The following PITPNA variants were observed in gnomAD, a reference collection of about 807,000 sequenced individuals.
PITPNA encodes phosphatidylinositol transfer protein alpha, also known as phosphatidylinositol transfer protein alpha isoform.
PITPNA carries 13 observed loss-of-function variants against 50.3 expected under a neutral mutation model. The observed-to-expected ratio is 0.26, with a 90% CI of 0.17 to 0.41. PITPNA has a LOEUF of 0.41. Ranked by LOEUF, PITPNA falls within the 10% of genes least tolerant of loss-of-function variation. The pLI is 1.00. For missense variants in PITPNA, 207 were observed against 333.4 expected (o/e 0.62, Z 2.95); for synonymous variants, 120 against 119.6 (o/e 1.00, Z -0.02).
In PITPNA at chr17:1,536,539, T is replaced by C. The variant is rs530896129; in HGVS notation, c.457-1021A>G. 3.3e-5 allele frequency among the ~76,000 whole-genome samples: 5 copies of C among 152,004 alleles called. No individual in the cohort carries two copies. The South Asian group carries it at 1.0e-3, about 32-fold the overall frequency. On this transcript the variant is annotated intron_variant, in intron 7 of 11. Transcript: ENST00000313486. ...CTCCTGACCTCGTGATCCGCCCACC[T>C]TGGCCTCCCACAGTGCTGGGATTAC...
chr17:1,551,901 G>GAT (rs1166580751), intron 3 of PITPNA, among the ~76,000 whole-genome samples: 1 of 151,282 alleles, frequency 6.6e-6, no homozygotes, highest in Non-Finnish European at 1.5e-5. Flanking sequence ...GAGACTGGGT[G>GAT]ATGGTGAGAC....
intron 2 of PITPNA, among the ~76,000 whole-genome samples, chr17:1,555,744 G>C (rs1306595671): frequency 6.6e-6 from 1 of 152,210 alleles, no homozygotes; most frequent in Non-Finnish European, 1.5e-5. Flanking sequence ...GGGTACCAGA[G>C]GGGGACTGGT....
intron 3 of PITPNA, among the ~76,000 whole-genome samples, chr17:1,550,822 C>G (rs907770363): frequency 1.3e-5 from 2 of 152,206 alleles, no homozygotes; most frequent in African/African-American, 4.8e-5. Context: ...GCAGTTTTGG[C>G]GCTGGGAGTG....
At chr17:1,537,005 C>A (rs551250231) in intron 7 of PITPNA, among the ~76,000 whole-genome samples, 1 of 149,580 alleles carries the variant, frequency 6.7e-6, no homozygotes, top group Non-Finnish European at 1.5e-5. Context: ...TTCCAGTGAT[C>A]CTCCTGCCTC....
At chr17:1,554,189 G>C (rs1468402372) in intron 2 of PITPNA, among the ~76,000 whole-genome samples, 1 of 152,108 alleles carries the variant, frequency 6.6e-6, no homozygotes, top group Non-Finnish European at 1.5e-5. Flanking sequence ...ATTTGAGGCA[G>C]GAAATTATGT....
Position 1,520,304 on chromosome 17 carries a change from G to A in PITPNA, c.*257C>T, listed in dbSNP as rs1221950143. 6.6e-6 allele frequency: 1 copy of A among 152,522 alleles called. No homozygotes were observed. Among genetic ancestry groups the A allele is most frequent in the African/African-American group, 2.4e-5 (1 of 41,418 alleles). The allele number at this position is 152,522 out of a possible 1,614,324, so 9.4% of individuals were successfully genotyped here. A position where few individuals can be genotyped will look rare whatever the true frequency, so the allele number is the denominator to read the frequency against. ...CACAATGGAGAGAGACGGAGGCGCTGTAACTACAGCAACCTACACGCCACG... is the reference window on the plus strand; with the variant it reads ...CACAATGGAGAGAGACGGAGGCGCTATAACTACAGCAACCTACACGCCACG... On this transcript the variant is annotated 3_prime_UTR_variant, in exon 12 of 12. Coordinates refer to ENST00000313486, the MANE Select transcript of PITPNA (RefSeq NM_006224.4).
intron 2 of PITPNA, among the ~76,000 whole-genome samples, chr17:1,558,095 G>A (rs1231539538): frequency 6.6e-6 from 1 of 152,132 alleles, no homozygotes. Context: ...GCCGGGTGTG[G>A]TGGCACACAC....
chr17:1,561,151 C>A (rs80067737), intron 1 of PITPNA: 8,553 of 151,382 alleles, frequency 0.056, 291 homozygotes, highest in African/African-American at 0.094. Flanking sequence ...ACACACACAC[C>A]CATCCTATCT....
chr17:1,524,774 G>A (rs1040926779), intron 10 of PITPNA, among the ~76,000 whole-genome samples: 1 of 151,572 alleles, frequency 6.6e-6, no homozygotes, highest in South Asian at 2.1e-4. Context: ...GTTTGAACCC[G>A]GGAGGTGGAG....
At chr17:1,554,546 TTC>T (rs1164752354) in intron 2 of PITPNA, among the ~76,000 whole-genome samples, 1 of 152,004 alleles carries the variant, frequency 6.6e-6, no homozygotes, top group Non-Finnish European at 1.5e-5. Flanking sequence ...GACTGGGTTT[TTC>T]TCTCTTTGAG....
intron 10 of PITPNA, among the ~76,000 whole-genome samples, chr17:1,522,110 GCCGGA>G (rs1303836434): frequency 3.2e-4 from 48 of 148,678 alleles, no homozygotes; most frequent in Non-Finnish European, 4.1e-4. Context: ...TGCCGCCCAG[GCCGGA>G]CTGCGGACTG....
intron 7 of PITPNA, among the ~76,000 whole-genome samples, chr17:1,536,280 GT>G (rs11358582): frequency 0.081 from 11,589 of 143,580 alleles, 1,420 homozygotes; most frequent in African/African-American, 0.28. Context: ...AAGCTGAGAA[GT>G]TTTTTTTTTT....
chr17:1,530,770 G>GT (rs2075576900), intron 10 of PITPNA, among the ~76,000 whole-genome samples: 1 of 152,236 alleles, frequency 6.6e-6, no homozygotes, highest in Non-Finnish European at 1.5e-5. Context: ...GTAAGAGCCA[G>GT]TTAACAACCT....
chr17:1,530,107 G>A (rs2075572604), intron 10 of PITPNA, among the ~76,000 whole-genome samples: 1 of 151,960 alleles, frequency 6.6e-6, no homozygotes, highest in Non-Finnish European at 1.5e-5. Flanking sequence ...AGGCACACAG[G>A]AAGTCCTCAA....
intron 6 of PITPNA, among the ~76,000 whole-genome samples, 177 bp downstream of exon 6, chr17:1,541,375 GTTCCGGAGATCACA>G (rs2075647058): frequency 6.6e-6 from 1 of 152,098 alleles, no homozygotes; most frequent in Admixed American, 6.6e-5. Context: ...CCCATAAAAA[GTTCCGGAGATCACA>G]TTTTGCAAAT....
chr17:1,534,000 G>A (rs1210000412), intron 10 of PITPNA, 99 bp downstream of exon 10: 38 of 1,397,888 alleles, frequency 2.7e-5, no homozygotes, highest in Non-Finnish European at 3.7e-5. Flanking sequence ...CGTGTTCCCA[G>A]AACTACAGGA....
chr17:1,543,261 G>A (rs955204190), intron 4 of PITPNA, among the ~76,000 whole-genome samples: 6 of 152,126 alleles, frequency 3.9e-5, no homozygotes, highest in Non-Finnish European at 5.9e-5. Context: ...TAATTAAAGC[G>A]ACGCCGCTAT....
rs1200717260 is a variant in PITPNA at position 1,535,251 on chromosome 17, T to C, written c.576A>G (p.Ala192=). Reference sequence around the variant, plus strand: ...TGAACTTGACGGTCACCAGTTTGTATGCACACATATATGGGCAGTCCTTCT... The same window carrying C: ...TGAACTTGACGGTCACCAGTTTGTACGCACACATATATGGGCAGTCCTTCT... ...VNQKDCPYMC[A]YKLVTVKFKW... The change falls in exon 9 of 12, where the codon GCA becomes GCG. Residue 192 remains alanine, a synonymous_variant. Transcript: ENST00000313486. 3 of 1,613,936 alleles carry C rather than the reference T, an allele frequency of 1.9e-6. No individual in the cohort carries two copies. The highest frequency in any genetic ancestry group is 1.7e-6 in the Non-Finnish European group (2 of 1,179,768).
chr17:1,532,041 T>C (rs767683515), intron 10 of PITPNA, among the ~76,000 whole-genome samples: 1 of 152,194 alleles, frequency 6.6e-6, no homozygotes, highest in Non-Finnish European at 1.5e-5. Context: ...AGTGATCACC[T>C]AAGCTTTTGG....
Sources: gnomAD v4.1 joint callset for allele counts (sites outside exome capture counted in the v4.1 genomes callset) on GRCh38, gnomAD v4.1.1 for gene constraint, MANE v1.5 for transcripts, NCBI Gene and HGNC (gene_info 2026-07-23, HGNC 2026-07-21) for gene names.